SAFB: variants seen among roughly 807,000 people sequenced by gnomAD.
The protein encoded by SAFB is scaffold attachment factor B1.
In SAFB, 15 loss-of-function variants were observed where a neutral mutation model predicts 101.6. The ratio of observed to expected loss-of-function variants is 0.15; its 90% CI spans 0.10 to 0.23. SAFB has a LOEUF of 0.23. SAFB is among the 10% of genes least tolerant of loss of function. The pLI, the probability that SAFB is intolerant of heterozygous loss-of-function variation, is 1.00. For missense variants in SAFB, 930 were observed against 1,104.1 expected, an observed-to-expected ratio of 0.84 and a Z score of 2.23; for synonymous variants, 449 against 407.5, an observed-to-expected ratio of 1.10 and a Z score of -1.23.
chr19:5,653,191 C>T lies in SAFB; in HGVS notation c.1370C>T (p.Ala457Val), dbSNP rs751056362. The T allele has an allele frequency of 3.2e-5, 52 of 1,613,972 alleles. No homozygotes were observed. Among genetic ancestry groups the T allele is most frequent in the East Asian group, 4.5e-5 (2 of 44,888 alleles). ...RCYGFVTMST[A>V]EEATKCINHL... The stretch of plus-strand genomic sequence containing the variant: ...TACGGTTTTGTCACGATGTCCACAG[C>T]AGAAGAGGCCACAAAATGCATTAAC... The change falls in exon 10 of 21, where the codon GCA becomes GTA. Residue 457 changes from alanine (A) to valine (V), a missense_variant. Coordinates refer to ENST00000588852, the MANE Select transcript of SAFB (RefSeq NM_001201338.2).
chr19:5,661,924 G>A lies in SAFB; in HGVS notation c.2153+116G>A, dbSNP rs867803293. 39 of 807,788 alleles carry A rather than the reference G, an allele frequency of 4.8e-5. 1 individual carries two copies. In the East Asian group the frequency reaches 7.3e-4, roughly 15 times the overall value. The allele number at this position is 807,788 out of a possible 1,614,324, so 50.0% of individuals were successfully genotyped here. ...TTTTGAGACGGAGTCTTGCTTTGTCGCGGAGGCTGGAGTGCAGTGACCCGA... is the reference window on the plus strand; with the variant it reads ...TTTTGAGACGGAGTCTTGCTTTGTCACGGAGGCTGGAGTGCAGTGACCCGA... On this transcript the variant is annotated intron_variant, in intron 15 of 20. Transcript: ENST00000588852.
At chr19:5,661,198 G>C (rs2054193505) in intron 14 of SAFB, among the ~76,000 whole-genome samples, 1 of 152,092 alleles carries the variant, frequency 6.6e-6, no homozygotes, top group Admixed American at 6.6e-5. Context: ...TGGCATTACA[G>C]ATGTGAGCCA....
chr19:5,667,233 A>T lies in SAFB; in HGVS notation c.2453+69A>T. 8.3e-7 allele frequency: 1 copy of T among 1,203,462 alleles called. No homozygotes were observed. The highest frequency in any genetic ancestry group is 1.2e-6 in the Non-Finnish European group (1 of 859,382). 74.5% of individuals were successfully genotyped at this position (1,203,462 alleles called of 1,614,324 possible). ...ACAAGGGGGCCCGCAAGTCGCTGGG[A>T]TGTGGGCACAGGGTGGGAAACACAG... is the stretch of plus-strand genomic sequence containing the variant. On this transcript the variant is annotated intron_variant, in intron 18 of 20. Coordinates refer to ENST00000588852, the MANE Select transcript of SAFB (RefSeq NM_001201338.2). The surrounding 1 kb of genome is among the most constrained non-coding windows in gnomAD (Gnocchi z 4.0).
At chr19:5,655,732 T>C (rs1381747091) in intron 13 of SAFB, among the ~76,000 whole-genome samples, 2 of 152,138 alleles carry the variant, frequency 1.3e-5, no homozygotes, top group African/African-American at 4.8e-5. Context: ...GCCAGTATTA[T>C]AATATGTCAT....
intron 2 of SAFB, among the ~76,000 whole-genome samples, chr19:5,628,285 A>G (rs2053413232): frequency 2.0e-5 from 3 of 152,076 alleles, no homozygotes; most frequent in African/African-American, 7.2e-5. Context: ...GGGCTTGTAG[A>G]CCGAATGTTC....
chr19:5,654,303 C>T (rs2054006134), intron 12 of SAFB, 65 bp from the exon 13 acceptor site: 3 of 1,588,722 alleles, frequency 1.9e-6, no homozygotes, highest in Non-Finnish European at 2.6e-6. Context: ...ATTCATGTTG[C>T]AGAGGGTTTT....
intron 4 of SAFB, among the ~76,000 whole-genome samples, chr19:5,642,651 C>CCT: frequency 1.4e-5 from 1 of 70,842 alleles, no homozygotes; most frequent in Admixed American, 2.3e-4. Flanking sequence ...CCCTTCCTTT[C>CCT]TTTTTTTTTT....
chr19:5,644,662 CT>C (rs2053789366), intron 4 of SAFB, among the ~76,000 whole-genome samples: 1 of 152,198 alleles, frequency 6.6e-6, no homozygotes, highest in African/African-American at 2.4e-5. Flanking sequence ...ACGTCTCCCC[CT>C]AAGTATATCT....
chr19:5,664,227 C>T (rs2054280440), intron 16 of SAFB, 68 bp downstream of exon 16: 6 of 1,547,668 alleles, frequency 3.9e-6, no homozygotes, highest in Non-Finnish European at 4.4e-6. Flanking sequence ...AGAACAAGGA[C>T]TCCTGGGCTC....
chr19:5,654,236 T>G, intron 12 of SAFB, 36 bp downstream of exon 12: 1 of 1,612,428 alleles, frequency 6.2e-7, no homozygotes, highest in Non-Finnish European at 8.5e-7. Flanking sequence ...TTCTGTCTTG[T>G]TTCTGTGCCT....
intron 14 of SAFB, among the ~76,000 whole-genome samples, chr19:5,658,452 G>A (rs973579708): frequency 2.6e-5 from 4 of 152,216 alleles, no homozygotes; most frequent in Admixed American, 6.5e-5. Flanking sequence ...CAGCACTTCG[G>A]GAGGCCGAGG....
chr19:5,653,556 C>T, intron 11 of SAFB, 136 bp downstream of exon 11: 1 of 719,880 alleles, frequency 1.4e-6, no homozygotes, highest in Non-Finnish European at 2.3e-6. Flanking sequence ...AACTCCACCT[C>T]CTGGGTTCAA....
intron 6 of SAFB, 69 bp downstream of exon 6, chr19:5,648,112 G>T (rs1339570249): frequency 7.7e-7 from 1 of 1,304,822 alleles, no homozygotes; most frequent in East Asian, 2.3e-5. Context: ...TCTCTAATTT[G>T]AATTCTTTGA....
chr19:5,640,277 C>T (rs116830460), intron 2 of SAFB, among the ~76,000 whole-genome samples: 386 of 150,836 alleles, frequency 2.6e-3, no homozygotes, highest in African/African-American at 9.2e-3. Flanking sequence ...CGTGTTAAAA[C>T]AGTATTCCTT....
chr19:5,657,625 A>T (rs954833616), intron 14 of SAFB, among the ~76,000 whole-genome samples: 1 of 151,932 alleles, frequency 6.6e-6, no homozygotes, highest in African/African-American at 2.4e-5. Context: ...TCCGCCTCCA[A>T]GCAATTCTCC....
At chr19:5,655,479 AAC>A (rs1372238476) in intron 13 of SAFB, among the ~76,000 whole-genome samples, 10 of 149,966 alleles carry the variant, frequency 6.7e-5, no homozygotes, top group African/African-American at 1.7e-4. Context: ...AAAAAAAAAA[AAC>A]ACACACCTAT....
intron 2 of SAFB, among the ~76,000 whole-genome samples, chr19:5,630,315 G>A (rs1447051982): frequency 6.6e-6 from 1 of 152,076 alleles, no homozygotes; most frequent in Non-Finnish European, 1.5e-5. Context: ...TCTGTGCTGG[G>A]TTGTTTGTCT....
At chr19:5,652,196 AAG>A (rs1267704509) in intron 9 of SAFB, among the ~76,000 whole-genome samples, 1 of 152,016 alleles carries the variant, frequency 6.6e-6, no homozygotes, top group East Asian at 1.9e-4. Flanking sequence ...ATCTTAAAAA[AAG>A]AAAAAAAAAA....
At chr19:5,668,073 G>A in intron 20 of SAFB, 89 bp from the exon 21 acceptor site, 1 of 1,537,260 alleles carries the variant, frequency 6.5e-7, no homozygotes. Context: ...GGCCCTGCCT[G>A]CAGGCAACAC....
Sources: gnomAD v4.1 joint callset for allele counts (sites outside exome capture counted in the v4.1 genomes callset) on GRCh38, gnomAD v4.1.1 for gene constraint, Gnocchi (gnomAD v3.1) non-coding constraint, MANE v1.5 for transcripts, NCBI Gene and HGNC (gene_info 2026-07-23, HGNC 2026-07-21) for gene names.